Variants in EXOC4 observed in about 807,000 individuals in gnomAD.
The protein encoded by EXOC4 is exocyst complex component 4.
A neutral mutation model predicts 107.2 loss-of-function variants in EXOC4; 71 were observed. The ratio of observed to expected loss-of-function variants is 0.66; its 90% CI spans 0.55 to 0.81. The LOEUF is 0.81. Ranked by LOEUF, EXOC4 falls within the 30% of genes least tolerant of loss-of-function variation. The pLI is 0.00. For missense variants in EXOC4, 1,108 were observed against 1,189.6 expected (o/e 0.93, Z 1.01); for synonymous variants, 456 against 441.2 (o/e 1.03, Z -0.42).
intron 14 of EXOC4, among the ~76,000 whole-genome samples, chr7:133,951,745 G>T (rs1055630614): frequency 2.0e-5 from 3 of 152,186 alleles, no homozygotes; most frequent in African/African-American, 7.2e-5. Flanking sequence ...CACAGGCATA[G>T]GGTAAGGTCG....
intron 13 of EXOC4, among the ~76,000 whole-genome samples, chr7:133,931,335 T>C (rs1800171126): frequency 6.6e-6 from 1 of 152,342 alleles, no homozygotes; most frequent in African/African-American, 2.4e-5. Context: ...TCTGTATTCA[T>C]GTGCTACTTG....
chr7:133,776,381 T>G (rs1796346161), intron 10 of EXOC4, among the ~76,000 whole-genome samples: 1 of 152,212 alleles, frequency 6.6e-6, no homozygotes. Flanking sequence ...CATATTAATT[T>G]ATTCAGTCAT....
chr7:133,525,773 G>C (rs1800067384), intron 9 of EXOC4, among the ~76,000 whole-genome samples: 1 of 152,104 alleles, frequency 6.6e-6, no homozygotes, highest in African/African-American at 2.4e-5. Context: ...TGTTATTTCT[G>C]TTGGTGACAG....
chr7:133,484,293 C>T lies in EXOC4; in HGVS notation c.1417+4155C>T, dbSNP rs544011989. ...TAGTCTGCTGTTGGCAGTTGGGCTG[C>T]GGAGATGTGGGTGCTGCTTCAAAAT... On this transcript the variant is annotated intron_variant, in intron 9 of 17. Transcript: ENST00000253861. 2.4e-5 allele frequency: 22 copies of T among 930,658 alleles called. No homozygotes were observed. In the East Asian group the frequency reaches 2.5e-4, roughly 11 times the overall value. The allele number at this position is 930,658 out of a possible 1,614,324, so 57.7% of individuals were successfully genotyped here. A position where few individuals can be genotyped will look rare whatever the true frequency, so the allele number is the denominator to read the frequency against.
At chr7:133,627,437 T>G (rs1470374119) in intron 9 of EXOC4, among the ~76,000 whole-genome samples, 1 of 152,200 alleles carries the variant, frequency 6.6e-6, no homozygotes, top group Non-Finnish European at 1.5e-5. Context: ...CTAGTCTATC[T>G]CGTAAAGGTT....
intron 10 of EXOC4, among the ~76,000 whole-genome samples, chr7:133,808,869 C>G (rs1176447901): frequency 6.6e-6 from 1 of 152,054 alleles, no homozygotes; most frequent in African/African-American, 2.4e-5. Flanking sequence ...AAAGTGTCAT[C>G]AGAATGCAGG....
At chr7:133,360,067 A>C (rs1311545236) in intron 6 of EXOC4, among the ~76,000 whole-genome samples, 2 of 152,214 alleles carry the variant, frequency 1.3e-5, no homozygotes, top group Admixed American at 1.3e-4. Flanking sequence ...CCTGCTACCC[A>C]TTATTTCTCT....
intron 17 of EXOC4, among the ~76,000 whole-genome samples, chr7:134,035,046 C>CTTTT (rs146401762): frequency 1.6e-5 from 2 of 128,846 alleles, no homozygotes; most frequent in African/African-American, 5.7e-5. Flanking sequence ...CTTTTCTTTA[C>CTTTT]TTTTTTTTTT....
intron 14 of EXOC4, among the ~76,000 whole-genome samples, chr7:133,941,239 C>T (rs1355525858): frequency 3.9e-5 from 6 of 152,052 alleles, no homozygotes; most frequent in Admixed American, 2.0e-4. Context: ...TCTCGTGATC[C>T]GCCCGCCTCG....
chr7:133,777,241 C>G (rs185806555), intron 10 of EXOC4, among the ~76,000 whole-genome samples: 17 of 150,374 alleles, frequency 1.1e-4, no homozygotes, highest in South Asian at 8.4e-4. Flanking sequence ...ATCATGTATA[C>G]TTTCTTCTAG....
intron 11 of EXOC4, among the ~76,000 whole-genome samples, chr7:133,871,523 C>T (rs1798752434): frequency 6.6e-6 from 1 of 152,166 alleles, no homozygotes; most frequent in Non-Finnish European, 1.5e-5. Context: ...CCCCCCACAG[C>T]CTTATGAACA....
intron 9 of EXOC4, among the ~76,000 whole-genome samples, chr7:133,583,348 G>C (rs971918232): frequency 6.6e-6 from 1 of 152,142 alleles, no homozygotes; most frequent in Non-Finnish European, 1.5e-5. Flanking sequence ...TTTACTGAGA[G>C]CCTGTTGTGT....
chr7:133,363,612 A>T (rs1421620581), intron 6 of EXOC4, among the ~76,000 whole-genome samples: 2 of 82,706 alleles, frequency 2.4e-5, no homozygotes, highest in African/African-American at 5.1e-5. Context: ...GCAAAGTTAA[A>T]AAAAAAAAAA....
intron 9 of EXOC4, among the ~76,000 whole-genome samples, chr7:133,545,618 TTC>T (rs1175339655): frequency 1.7e-4 from 26 of 152,226 alleles, no homozygotes; most frequent in Admixed American, 7.2e-4. Flanking sequence ...GATTCTCCAG[TTC>T]ACATTCTCTT....
chr7:133,512,325 G>A (rs1799785087), intron 9 of EXOC4, among the ~76,000 whole-genome samples: 1 of 151,990 alleles, frequency 6.6e-6, no homozygotes, highest in African/African-American at 2.4e-5. Flanking sequence ...AGCTGCTCGG[G>A]AACTAAGGCA....
chr7:133,448,636 C>T (rs570345956), intron 7 of EXOC4, among the ~76,000 whole-genome samples: 34 of 152,206 alleles, frequency 2.2e-4, no homozygotes, highest in African/African-American at 6.3e-4. Flanking sequence ...CTCTTTCCTC[C>T]GCTTATGGTG....
At chr7:133,293,065 T>G (rs1794442889) in intron 3 of EXOC4, among the ~76,000 whole-genome samples, 1 of 152,254 alleles carries the variant, frequency 6.6e-6, no homozygotes, top group Non-Finnish European at 1.5e-5. Flanking sequence ...CTGGTACTAT[T>G]TGAAATATGT....
chr7:134,089,120 T>G, the EXOC4 span, among the ~76,000 whole-genome samples: 1 of 152,200 alleles, frequency 6.6e-6, no homozygotes, highest in Non-Finnish European at 1.5e-5. Flanking sequence ...TATTCCAATG[T>G]TCAATTTACA....
At chr7:133,771,929 T>G (rs1457861708) in intron 10 of EXOC4, among the ~76,000 whole-genome samples, 4 of 151,930 alleles carry the variant, frequency 2.6e-5, no homozygotes. Context: ...ACTCTTATTA[T>G]TCTGGAAAGA....
Sources: gnomAD v4.1 joint callset for allele counts (sites outside exome capture counted in the v4.1 genomes callset) on GRCh38, gnomAD v4.1.1 for gene constraint, MANE v1.5 for transcripts, NCBI Gene and HGNC (gene_info 2026-07-23, HGNC 2026-07-21) for gene names.